Variants in PXDNL observed in about 807,000 individuals in gnomAD.
PXDNL encodes peroxidasin like.
In PXDNL, 145 loss-of-function variants were observed where a neutral mutation model predicts 150.8. The ratio of observed to expected loss-of-function variants is 0.96; its 90% CI spans 0.84 to 1.10. The LOEUF (loss-of-function observed/expected upper bound fraction) is 1.10. PXDNL is among the 50% of genes least tolerant of loss of function. PXDNL has a pLI of 0.00. For synonymous variants in PXDNL, 757 were observed against 725.7 expected, an observed-to-expected ratio of 1.04 and a Z score of -0.69; for missense variants, 2,087 against 1,873.9, an observed-to-expected ratio of 1.11 and a Z score of -2.10.
intron 1 of PXDNL, among the ~76,000 whole-genome samples, chr8:51,790,945 T>A (rs2037507246): frequency 6.6e-6 from 1 of 151,682 alleles, no homozygotes; most frequent in Non-Finnish European, 1.5e-5. Flanking sequence ...TCCAGAATCT[T>A]TTAGAATTTA....
chr8:51,427,696 A>G (rs538860554), intron 12 of PXDNL, among the ~76,000 whole-genome samples: 2 of 152,358 alleles, frequency 1.3e-5, no homozygotes, highest in South Asian at 4.1e-4. Flanking sequence ...AACGCTCATT[A>G]TGAGTTACAG....
chr8:51,532,059 T>C (rs1166505711), intron 4 of PXDNL, among the ~76,000 whole-genome samples: 1 of 142,964 alleles, frequency 7.0e-6, no homozygotes, highest in East Asian at 2.1e-4. Flanking sequence ...AGATTATAAA[T>C]TGAGGTTGCG....
At chr8:51,594,239 G>A (rs1158156010) in intron 2 of PXDNL, among the ~76,000 whole-genome samples, 1 of 152,184 alleles carries the variant, frequency 6.6e-6, no homozygotes, top group Admixed American at 6.5e-5. Flanking sequence ...TGATGCATGT[G>A]TATGTGTGGT....
chr8:51,604,487 T>C (rs1813799052), intron 2 of PXDNL, among the ~76,000 whole-genome samples: 1 of 152,024 alleles, frequency 6.6e-6, no homozygotes, highest in African/African-American at 2.4e-5. Context: ...CATCACACAC[T>C]GGGAACTGTT....
At chr8:51,569,085 G>A (rs924001351) in intron 3 of PXDNL, among the ~76,000 whole-genome samples, 18 of 151,828 alleles carry the variant, frequency 1.2e-4, no homozygotes. Flanking sequence ...AATCTCTGCC[G>A]AATCTGAGTC....
intron 2 of PXDNL, among the ~76,000 whole-genome samples, chr8:51,651,166 G>A (rs1431834180): frequency 6.6e-6 from 1 of 152,098 alleles, no homozygotes; most frequent in East Asian, 1.9e-4. Flanking sequence ...AATTATATGT[G>A]ATATTTAGTT....
intron 4 of PXDNL, among the ~76,000 whole-genome samples, chr8:51,505,432 A>G (rs1811264935): frequency 6.6e-6 from 1 of 152,240 alleles, no homozygotes; most frequent in East Asian, 1.9e-4. Context: ...CCCCGATCTA[A>G]GGCAAGAGCA....
chr8:51,449,073 T>C lies in PXDNL; in HGVS notation c.1295A>G (p.Glu432Gly), dbSNP rs1809747641. 1 of 1,553,218 alleles carries C rather than the reference T, an allele frequency of 6.4e-7. No individual in the cohort carries two copies. Among genetic ancestry groups the C allele is most frequent in the East Asian group, 2.4e-5 (1 of 41,184 alleles). Residue 432 changes from glutamate (E) to glycine (G), a missense_variant, in exon 11 of 23, where the codon GAA (glutamate) becomes GGA (glycine). Coordinates refer to ENST00000356297, the MANE Select transcript of PXDNL (RefSeq NM_144651.5). The part of the protein sequence containing the change: ...TVTPKDQVVL[E>G]EHAVEWLCEA... ...ACAGAGCCACTCTACAGCATGTTCT[T>C]CCAGCACCACTTGATCCTTGGGGGT...
intron 1 of PXDNL, among the ~76,000 whole-genome samples, chr8:51,754,402 G>A (rs117276253): frequency 0.061 from 9,297 of 152,258 alleles, 367 homozygotes; most frequent in Non-Finnish European, 0.085. Context: ...GCCCCGATGA[G>A]AAGCCTGCCC....
intron 4 of PXDNL, among the ~76,000 whole-genome samples, chr8:51,526,011 A>C (rs1232109989): frequency 6.6e-6 from 1 of 152,240 alleles, no homozygotes; most frequent in Non-Finnish European, 1.5e-5. Flanking sequence ...GAAACTGCAG[A>C]AATTTTTCCA....
intron 6 of PXDNL, among the ~76,000 whole-genome samples, chr8:51,477,570 A>G (rs1810508735): frequency 6.6e-6 from 1 of 152,248 alleles, no homozygotes; most frequent in African/African-American, 2.4e-5. Flanking sequence ...CGAAGTTCAC[A>G]TTTATATTTT....
chr8:51,387,924 C>T (rs1355170270), intron 17 of PXDNL, among the ~76,000 whole-genome samples: 2 of 152,050 alleles, frequency 1.3e-5, no homozygotes, highest in African/African-American at 4.8e-5. Context: ...TTGCACTATT[C>T]TTAAACTATT....
intron 2 of PXDNL, among the ~76,000 whole-genome samples, chr8:51,638,335 A>G (rs373137632): frequency 6.0e-4 from 92 of 152,300 alleles, no homozygotes; most frequent in African/African-American, 2.0e-3. Flanking sequence ...GACAGGATCA[A>G]ATTCACACAT....
At chr8:51,334,870 T>C (rs773946467) in intron 21 of PXDNL, among the ~76,000 whole-genome samples, 1 of 152,224 alleles carries the variant, frequency 6.6e-6, no homozygotes, top group Admixed American at 6.5e-5. Flanking sequence ...TCCTTGTACA[T>C]TGTTTTGACA....
chr8:51,713,900 A>C lies in PXDNL; in HGVS notation c.165-59140T>G, dbSNP rs560497444. Among the ~76,000 whole-genome samples the C allele has an allele frequency of 2.6e-5, 4 of 152,316 alleles. No individual in the cohort carries two copies. In the South Asian group the frequency reaches 8.3e-4, roughly 32 times the overall value. On this transcript the variant is annotated intron_variant, in intron 1 of 22. Coordinates refer to ENST00000356297, the MANE Select transcript of PXDNL (RefSeq NM_144651.5). ...AAGTGATCTACCAAAAAAACCCACA[A>C]TCTTACCTTTCCTCCCTATCACTTT...
chr8:51,441,505 A>C (rs1419892628), intron 12 of PXDNL, among the ~76,000 whole-genome samples: 1 of 152,192 alleles, frequency 6.6e-6, no homozygotes, highest in Non-Finnish European at 1.5e-5. Flanking sequence ...CTAGAAAGCA[A>C]AGGCAGAGCT....
rs190369787 is a variant in PXDNL, at chr8:51,789,471, T to C, written c.164+19710A>G. ...GTAGTGCCAGGGCAGCTCTTGGATA[T>C]AGTCTTCATTATATAGAGGGAGAAA... On this transcript the variant is annotated intron_variant, in intron 1 of 22. Coordinates refer to ENST00000356297, the MANE Select transcript of PXDNL (RefSeq NM_144651.5). Among the ~76,000 whole-genome samples, 139 of 152,180 alleles carry C rather than the reference T, an allele frequency of 9.1e-4. No homozygotes were observed. The Middle Eastern group carries it at 0.01, about 11-fold the overall frequency.
intron 6 of PXDNL, among the ~76,000 whole-genome samples, chr8:51,478,898 T>A (rs374429525): frequency 1.4e-4 from 21 of 152,368 alleles, no homozygotes; most frequent in African/African-American, 5.0e-4. Context: ...CTGAGCAGGT[T>A]GCTCAAATCA....
At chr8:51,400,102 T>A (rs1808202052) in intron 17 of PXDNL, among the ~76,000 whole-genome samples, 1 of 152,214 alleles carries the variant, frequency 6.6e-6, no homozygotes, top group South Asian at 2.1e-4. Context: ...CTTATCCAGC[T>A]TGGGATCAGC....
Sources: gnomAD v4.1 joint callset for allele counts (sites outside exome capture counted in the v4.1 genomes callset) on GRCh38, gnomAD v4.1.1 for gene constraint, MANE v1.5 for transcripts, NCBI Gene and HGNC (gene_info 2026-07-23, HGNC 2026-07-21) for gene names.